Variants in KIF3A observed in about 807,000 individuals in gnomAD.
KIF3A encodes the protein kinesin family member 3A.
In KIF3A, 27 loss-of-function variants were observed where a neutral mutation model predicts 92.6. The ratio of observed to expected loss-of-function variants is 0.29; its 90% CI spans 0.21 to 0.40. The LOEUF (loss-of-function observed/expected upper bound fraction) is 0.40, where lower values mean the gene tolerates loss of function less well. KIF3A is among the 10% of genes least tolerant of loss of function. The pLI is 1.00. For missense variants in KIF3A, 581 were observed against 872.6 expected (o/e 0.67, Z 4.21); for synonymous variants, 250 against 275.4 (o/e 0.91, Z 0.92).
chr5:132,699,515 TA>T, intron 17 of KIF3A: 2 of 592,670 alleles, frequency 3.4e-6, no homozygotes, highest in South Asian at 1.5e-5. Context: ...TCCTTGGACA[TA>T]AAAACTGTTG....
At chr5:132,689,611 CAAG>C (rs1752615465), downstream of KIF3A, 1 of 152,136 alleles carries the variant, frequency 6.6e-6, no homozygotes, top group African/African-American at 2.4e-5. Flanking sequence ...AGAATCTTCA[CAAG>C]ATGATAGGAT....
rs1211269203 is a variant in KIF3A, at chr5:132,726,181, A to T, written c.457T>A (p.Tyr153Asn). 6.2e-7 allele frequency: 1 copy of T among 1,612,160 alleles called. No individual in the cohort carries two copies. ...FLVRVSYLEIYNEEVRDLLGK... is the reference protein window; with the variant it reads ...FLVRVSYLEINNEEVRDLLGK... ...AAAAGGTCACGAACTTCTTCATTAT[A>T]TATTTCCAAATAAGACACTCGAACC... The change falls in exon 4 of 19, where the codon TAT (tyrosine) becomes AAT (asparagine). Residue 153 changes from tyrosine to asparagine, a missense_variant. Physicochemically the swap from Tyr to Asn is moderately radical, Grantham distance 143. Around this residue, in one of 5 missense-constraint regions of KIF3A, gnomAD observed 217 missense variants for 299.7 expected, o/e 0.72. Coordinates refer to ENST00000403231, the MANE Select transcript of KIF3A (RefSeq NM_001300791.2).
At chr5:132,715,705 CA>C (rs1753596726) in intron 8 of KIF3A, 51 bp downstream of exon 8, 3 of 1,398,732 alleles carry the variant, frequency 2.1e-6, no homozygotes, top group Non-Finnish European at 3.0e-6. Flanking sequence ...GTTAGTGGTT[CA>C]ACAATGTATT....
intron 17 of KIF3A, 34 bp downstream of exon 17, chr5:132,700,182 G>T: frequency 1.7e-6 from 2 of 1,148,286 alleles, no homozygotes; most frequent in Non-Finnish European, 1.3e-6. Flanking sequence ...CAGTAGTTTT[G>T]TGTTTTGTTT....
intron 6 of KIF3A, among the ~76,000 whole-genome samples, 174 bp downstream of exon 6, chr5:132,716,671 A>G (rs764631040): frequency 1.3e-5 from 2 of 152,208 alleles, no homozygotes; most frequent in African/African-American, 2.4e-5. Flanking sequence ...TCACTATACT[A>G]TTCTATCTAC....
rs749034898 is a variant in KIF3A at position 132,700,287 on chromosome 5, C to G, written c.1939-3G>C. On this transcript the variant is annotated splice_region_variant and splice_polypyrimidine_tract_variant and intron_variant, in intron 16 of 18. Coordinates refer to ENST00000403231, the MANE Select transcript of KIF3A (RefSeq NM_001300791.2). ...TTTCCTGTATAAGCAACACATTTCT[C>G]AAAAAAAGAAAAGGGAGAGACAGAG... is the stretch of plus-strand genomic sequence containing the variant. 19 of 1,568,162 alleles carry G rather than the reference C, an allele frequency of 1.2e-5. No individual in the cohort carries two copies. The highest frequency in any genetic ancestry group is 1.6e-5 in the Non-Finnish European group (18 of 1,151,100).
At chr5:132,725,429 A>C (rs1455442135) in intron 4 of KIF3A, among the ~76,000 whole-genome samples, 1 of 152,180 alleles carries the variant, frequency 6.6e-6, no homozygotes, top group Admixed American at 6.6e-5. Context: ...CGAAGTGGAT[A>C]CCATTATTAT....
In KIF3A at chr5:132,695,040, T is replaced by A. The variant is rs1008346661; in HGVS notation, c.*1594A>T. On this transcript the variant is annotated 3_prime_UTR_variant, in exon 19 of 19. Coordinates refer to ENST00000403231, the MANE Select transcript of KIF3A (RefSeq NM_001300791.2). ...GATTTAACAAAACTTATTAAAATAA[T>A]ATTAATTTAATAAATACTAACTTAT... 6.6e-6 allele frequency: 1 copy of A among 152,214 alleles called. No individual in the cohort carries two copies. Among genetic ancestry groups the A allele is most frequent in the African/African-American group, 2.4e-5 (1 of 41,460 alleles). The allele number at this position is 152,214 out of a possible 1,614,324, so 9.4% of individuals were successfully genotyped here.
rs1180495774 is a variant in KIF3A at position 132,702,672 on chromosome 5, T to C, written c.1648-4A>G. The C allele has an allele frequency of 3.8e-6, 6 of 1,568,622 alleles. No individual in the cohort carries two copies. The South Asian group carries it at 4.6e-5, about 12-fold the overall frequency. ...CTTCAATATCCAAGCGTTCTTGCTA[T>C]GACAAAAATTAGTAAACTTCAGAAT... is the stretch of plus-strand genomic sequence containing the variant. On this transcript the variant is annotated splice_polypyrimidine_tract_variant and splice_region_variant and intron_variant, in intron 13 of 18. Transcript: ENST00000403231.
At chr5:132,714,750 C>T (rs1490024116) in intron 8 of KIF3A, among the ~76,000 whole-genome samples, 1 of 152,150 alleles carries the variant, frequency 6.6e-6, no homozygotes, top group Non-Finnish European at 1.5e-5. Context: ...TAACTGTACA[C>T]TTAACTAACA....
rs965330996 is a variant in KIF3A at position 132,692,972 on chromosome 5, C to T, written c.*3662G>A. The T allele has an allele frequency of 2.5e-4, 38 of 152,514 alleles. No individual in the cohort carries two copies. The highest frequency in any genetic ancestry group is 8.9e-4 in the African/African-American group (37 of 41,416). 9.4% of individuals were successfully genotyped at this position (152,514 alleles called of 1,614,324 possible). A position where few individuals can be genotyped will look rare whatever the true frequency, so the allele number is the denominator to read the frequency against. On this transcript the variant is annotated 3_prime_UTR_variant, in exon 19 of 19. Transcript: ENST00000403231. ...ACATTGGTGTACTTAAATGTAAACG[C>T]TACCCATTCCTTAATTCACAGCCCT...
intron 4 of KIF3A, 98 bp downstream of exon 4, chr5:132,726,030 A>T: frequency 1.3e-6 from 1 of 783,676 alleles, no homozygotes; most frequent in Non-Finnish European, 2.1e-6. Context: ...TTTAAAATAT[A>T]AAAAGCAACT....
At chr5:132,726,651 C>T (rs535751093) in intron 2 of KIF3A, among the ~76,000 whole-genome samples, 153 bp from the exon 3 acceptor site, 18 of 152,278 alleles carry the variant, frequency 1.2e-4, no homozygotes, top group African/African-American at 4.1e-4. Context: ...TCAACAATTA[C>T]AATGCGTACT....
At position 132,698,729 on chromosome 5, in the gene KIF3A, ATTT is replaced by A. The variant is rs200925076; in HGVS notation, c.2132+439_2132+441del. 8.1e-3 allele frequency among the ~76,000 whole-genome samples: 1,076 copies of A among 132,150 alleles called. 9 individuals carry two copies. Among genetic ancestry groups the A allele is most frequent in the African/African-American group, 0.027 (948 of 35,102 alleles). The allele number at this position is 132,150 out of a possible 152,430, so 86.7% of individuals were successfully genotyped here. On this transcript the variant is annotated intron_variant, in intron 18 of 18. Transcript: ENST00000403231. ...CAAATTCTAATACATAAGGAATTTGATTTTTTTTTTTTTTTTTTGAGACCAAGT... is the reference window on the plus strand; with the variant it reads ...CAAATTCTAATACATAAGGAATTTGATTTTTTTTTTTTTTTGAGACCAAGT...
At chr5:132,720,223 T>G (rs1342894794) in intron 5 of KIF3A, among the ~76,000 whole-genome samples, 2 of 152,262 alleles carry the variant, frequency 1.3e-5, no homozygotes, top group Non-Finnish European at 2.9e-5. Flanking sequence ...CTCACTTTCT[T>G]CATTCATAAA....
intron 8 of KIF3A, among the ~76,000 whole-genome samples, chr5:132,712,690 T>C (rs1014158957): frequency 1.3e-5 from 2 of 152,122 alleles, no homozygotes; most frequent in African/African-American, 4.8e-5. Context: ...AATGGAAACA[T>C]AAAACAATAG....
At position 132,703,505 on chromosome 5, in the gene KIF3A, C is replaced by T. The variant is rs758933800; in HGVS notation, c.1424G>A (p.Arg475Lys). ...DMEEEERNKA[R>K]AELEKREKDL... Reference sequence around the variant, plus strand: ...TTTTTCCCGTTTCTCTAATTCAGCTCTAGCCTTGTTTCTTTCTTCTTCTTC... The same window carrying T: ...TTTTTCCCGTTTCTCTAATTCAGCTTTAGCCTTGTTTCTTTCTTCTTCTTC... The change falls in exon 12 of 19, where the codon AGA (arginine) becomes AAA (lysine). Residue 475 changes from arginine to lysine, a missense_variant. Physicochemically the swap from Arg to Lys is conservative, Grantham distance 26. Transcript: ENST00000403231. 19 of 1,612,482 alleles carry T rather than the reference C, an allele frequency of 1.2e-5. No individual in the cohort carries two copies. The highest frequency in any genetic ancestry group is 1.3e-5 in the Non-Finnish European group (15 of 1,179,150).
chr5:132,710,416 A>G (rs1454393918), intron 9 of KIF3A, among the ~76,000 whole-genome samples: 1 of 152,184 alleles, frequency 6.6e-6, no homozygotes, highest in Non-Finnish European at 1.5e-5. Context: ...GGAGATCAAG[A>G]CCAGCCTGGC....
intron 10 of KIF3A, among the ~76,000 whole-genome samples, chr5:132,707,142 T>C (rs935964552): frequency 1.3e-5 from 2 of 151,800 alleles, no homozygotes; most frequent in South Asian, 2.1e-4. Flanking sequence ...TTTTTTTTTT[T>C]CCAGAAAATA....
Sources: allele counts gnomAD v4.1 joint callset (sites outside exome capture counted in the v4.1 genomes callset), GRCh38; gene constraint gnomAD v4.1.1; regional missense constraint gnomAD v4.1.1; transcripts MANE v1.5; gene names NCBI Gene and HGNC (gene_info 2026-07-23, HGNC 2026-07-21).